The following C11orf65 variants were observed in gnomAD, a reference collection of about 807,000 sequenced individuals.
C11orf65 encodes the protein chromosome 11 open reading frame 65.
In C11orf65, 38 loss-of-function variants were observed where a neutral mutation model predicts 35.3. The ratio of observed to expected loss-of-function variants is 1.08; its 90% CI spans 0.83 to 1.41. The LOEUF is 1.41. Ranked by LOEUF, C11orf65 falls within the 40% of genes most tolerant of loss-of-function variation. The probability of loss-of-function intolerance (pLI) is 0.00; values close to 1 mark genes in which losing one functional copy is unlikely to be tolerated. For missense variants in C11orf65, 370 were observed against 367.1 expected (o/e 1.01, Z -0.06); for synonymous variants, 105 against 114.4 (o/e 0.92, Z 0.53).
At chr11:108,361,587 T>C (rs986756611) in intron 2 of C11orf65, among the ~76,000 whole-genome samples, 43 of 152,022 alleles carry the variant, frequency 2.8e-4, no homozygotes, top group African/African-American at 7.2e-4. Flanking sequence ...ATGGTACTGG[T>C]ACCAAAACAG....
intron 6 of C11orf65, among the ~76,000 whole-genome samples, chr11:108,318,049 T>C (rs959243457): frequency 7.2e-5 from 11 of 152,212 alleles, no homozygotes; most frequent in African/African-American, 2.6e-4. Context: ...TCTTTATTTA[T>C]GAAATATTTT....
chr11:108,402,740 T>G (rs1484701126), intron 6 of C11orf65, among the ~76,000 whole-genome samples: 1 of 147,774 alleles, frequency 6.8e-6, no homozygotes, highest in Non-Finnish European at 1.5e-5. Context: ...ATCCCTCTCT[T>G]TTTCCTCTTT....
At chr11:108,451,777 A>G (rs1181609537) in intron 2 of C11orf65, among the ~76,000 whole-genome samples, 1 of 152,220 alleles carries the variant, frequency 6.6e-6, no homozygotes, top group Non-Finnish European at 1.5e-5. Flanking sequence ...TACAGTAACC[A>G]AAACAGCATG....
At chr11:108,317,337 ATTACT>A in intron 6 of C11orf65, 1 of 1,598,778 alleles carries the variant, frequency 6.3e-7, no homozygotes, top group Non-Finnish European at 8.6e-7. Context: ...GATATCTTTG[ATTACT>A]TAACTTAAAA....
At chr11:108,448,561 A>G (rs1212779736) in intron 2 of C11orf65, among the ~76,000 whole-genome samples, 1 of 152,254 alleles carries the variant, frequency 6.6e-6, no homozygotes, top group African/African-American at 2.4e-5. Flanking sequence ...AGATTCAGAA[A>G]AGGCCTTTGA....
At chr11:108,321,893 A>G (rs1298443210) in intron 6 of C11orf65, among the ~76,000 whole-genome samples, 2 of 152,190 alleles carry the variant, frequency 1.3e-5, no homozygotes, top group Non-Finnish European at 2.9e-5. Flanking sequence ...AACATTTTCC[A>G]AAATAGTCAT....
At chr11:108,436,076 TAGAC>T (rs1412033158) in intron 2 of C11orf65, among the ~76,000 whole-genome samples, 3 of 130,600 alleles carry the variant, frequency 2.3e-5, no homozygotes, top group Non-Finnish European at 3.3e-5. Context: ...GTTTTGAAAA[TAGAC>T]AGGGGTTGCT....
rs1555125331 is a variant in C11orf65 at position 108,332,822 on chromosome 11, G to T, written c.300-1255C>A. 3.7e-6 allele frequency: 6 copies of T among 1,613,432 alleles called. No homozygotes were observed. The highest frequency in any genetic ancestry group is 5.1e-6 in the Non-Finnish European group (6 of 1,179,702). Reference sequence around the variant, plus strand: ...TATCAGAAGTAGGAGACCTCAGATGGTCAGAAGTGTTGAGGCACTTTGTGA... The same window carrying T: ...TATCAGAAGTAGGAGACCTCAGATGTTCAGAAGTGTTGAGGCACTTTGTGA... On this transcript the variant is annotated intron_variant, in intron 3 of 3. Coordinates refer to the C11orf65 transcript ENST00000524755.
chr11:108,450,251 A>T (rs2093328116), intron 2 of C11orf65, among the ~76,000 whole-genome samples: 1 of 151,992 alleles, frequency 6.6e-6, no homozygotes, highest in Non-Finnish European at 1.5e-5. Context: ...TAGAACTAGA[A>T]ATACCATTTG....
chr11:108,374,831 G>A (rs1253946729), intron 2 of C11orf65, among the ~76,000 whole-genome samples: 5 of 152,194 alleles, frequency 3.3e-5, no homozygotes, highest in African/African-American at 4.8e-5. Flanking sequence ...CGAAAACTAC[G>A]TGAAGAATGC....
chr11:108,311,773 G>C (rs975165990), intron 6 of C11orf65, among the ~76,000 whole-genome samples: 4 of 152,016 alleles, frequency 2.6e-5, no homozygotes, highest in African/African-American at 9.7e-5. Flanking sequence ...ACTTATGATA[G>C]TATTTATTTT....
At chr11:108,339,116 T>C (rs920882029) in intron 2 of C11orf65, among the ~76,000 whole-genome samples, 1 of 152,244 alleles carries the variant, frequency 6.6e-6, no homozygotes, top group African/African-American at 2.4e-5. Context: ...CAGTTCTTAT[T>C]GTGTATGTTG....
At chr11:108,453,592 G>A (rs546652645) in intron 2 of C11orf65, among the ~76,000 whole-genome samples, 1 of 152,168 alleles carries the variant, frequency 6.6e-6, no homozygotes, top group South Asian at 2.1e-4. Context: ...AGAACACTAG[G>A]GTAGCTATAA....
chr11:108,316,753 C>CAAAAAAAAAAAAA (rs58165074), intron 6 of C11orf65, among the ~76,000 whole-genome samples: 5 of 72,362 alleles, frequency 6.9e-5, no homozygotes, highest in Admixed American at 1.8e-4. Context: ...ACTAAAAATA[C>CAAAAAAAAAAAAA]AAAAAAAAAA....
At chr11:108,333,777 C>T in intron 3 of C11orf65, 3 of 898,092 alleles carry the variant, frequency 3.3e-6, no homozygotes, top group South Asian at 1.3e-5. Context: ...AGAGCCTGAA[C>T]CACAGATTAG....
At chr11:108,316,794 C>A (rs868499686) in intron 6 of C11orf65, among the ~76,000 whole-genome samples, 1 of 145,698 alleles carries the variant, frequency 6.9e-6, no homozygotes, top group Non-Finnish European at 1.5e-5. Flanking sequence ...GGTGTGGTGG[C>A]GGGTGCCTGT....
chr11:108,438,777 G>A (rs1010131481), intron 2 of C11orf65, among the ~76,000 whole-genome samples: 6 of 151,954 alleles, frequency 3.9e-5, no homozygotes, highest in South Asian at 2.1e-4. Flanking sequence ...AGGCCAAGGC[G>A]GGCAGATCAC....
intron 2 of C11orf65, among the ~76,000 whole-genome samples, chr11:108,360,637 T>C (rs2137645444): frequency 6.7e-6 from 1 of 149,972 alleles, no homozygotes; most frequent in East Asian, 1.9e-4. Flanking sequence ...CAAGGCTGGT[T>C]CAATATATGC....
chr11:108,400,499 G>A (rs148413993), intron 6 of C11orf65, among the ~76,000 whole-genome samples: 8 of 152,230 alleles, frequency 5.3e-5, no homozygotes, highest in Admixed American at 1.3e-4. Context: ...ATGTATCTTC[G>A]GGAACAACAT....
Sources: gnomAD v4.1 joint callset for allele counts (sites outside exome capture counted in the v4.1 genomes callset) on GRCh38, gnomAD v4.1.1 for gene constraint, MANE v1.5 for transcripts, NCBI Gene and HGNC (gene_info 2026-07-23, HGNC 2026-07-21) for gene names.